Variants in DNAI3 observed in about 807,000 individuals in gnomAD.
The protein encoded by DNAI3 is dynein axonemal intermediate chain 3, also known as WD repeat domain 63.
In DNAI3, 83 loss-of-function variants were observed where a neutral mutation model predicts 115.5. That is an observed-to-expected ratio of 0.72 (90% CI 0.60 to 0.86). The LOEUF (loss-of-function observed/expected upper bound fraction) is 0.86, where lower values mean the gene tolerates loss of function less well. Ranked by LOEUF, DNAI3 falls within the 40% of genes least tolerant of loss-of-function variation. DNAI3 has a pLI of 0.00. For missense variants in DNAI3, 1,004 were observed against 1,075.8 expected, an observed-to-expected ratio of 0.93 and a Z score of 0.93; for synonymous variants, 320 against 347.0, an observed-to-expected ratio of 0.92 and a Z score of 0.86.
intron 1 of DNAI3, among the ~76,000 whole-genome samples, chr1:85,067,981 A>G (rs1267484303): frequency 2.0e-5 from 3 of 152,216 alleles, no homozygotes; most frequent in Non-Finnish European, 2.9e-5. Context: ...AATTTGTGGT[A>G]ATTTGTTACA....
chr1:85,081,459 G>T (rs772324103), intron 4 of DNAI3, 44 bp downstream of exon 4: 2 of 1,486,502 alleles, frequency 1.3e-6, no homozygotes, highest in African/African-American at 2.9e-5. Flanking sequence ...ACCTCAAGAA[G>T]TTCCTGGTAC....
chr1:85,080,362 A>G (rs991714860), intron 3 of DNAI3, among the ~76,000 whole-genome samples: 1 of 152,166 alleles, frequency 6.6e-6, no homozygotes, highest in African/African-American at 2.4e-5. Flanking sequence ...ATGAGAGACC[A>G]TTGAGCAAAT....
intron 3 of DNAI3, among the ~76,000 whole-genome samples, chr1:85,074,440 T>C (rs906616869): frequency 2.0e-5 from 3 of 152,208 alleles, no homozygotes; most frequent in Admixed American, 1.3e-4. Context: ...TCAGCCTTGC[T>C]TAGCACAGAA....
At chr1:85,099,048 C>T (rs1655209253) in intron 13 of DNAI3, among the ~76,000 whole-genome samples, 1 of 152,130 alleles carries the variant, frequency 6.6e-6, no homozygotes, top group Non-Finnish European at 1.5e-5. Context: ...TGTAATTTTG[C>T]TGGGCACAAT....
At chr1:85,113,673 G>T (rs564468139) in intron 16 of DNAI3, among the ~76,000 whole-genome samples, 13 of 151,466 alleles carry the variant, frequency 8.6e-5, no homozygotes, top group African/African-American at 2.9e-4. Flanking sequence ...TTTGACTGTT[G>T]TAAGTTTTTT....
chr1:85,082,576 C>T (rs916551104), intron 5 of DNAI3, among the ~76,000 whole-genome samples, 172 bp downstream of exon 5: 4 of 152,114 alleles, frequency 2.6e-5, no homozygotes, highest in African/African-American at 9.7e-5. Context: ...CCCCAAGTAG[C>T]TGAGACTACA....
intron 5 of DNAI3, among the ~76,000 whole-genome samples, chr1:85,083,334 A>C (rs1186039458): frequency 6.6e-6 from 1 of 152,000 alleles, no homozygotes; most frequent in African/African-American, 2.4e-5. Context: ...AAAAAATAAA[A>C]ATATTAGCCA....
chr1:85,078,774 G>C (rs892819787), intron 3 of DNAI3, among the ~76,000 whole-genome samples: 14 of 152,234 alleles, frequency 9.2e-5, no homozygotes, highest in African/African-American at 3.4e-4. Flanking sequence ...TTGGCTGCCA[G>C]TTATCTGCAG....
chr1:85,074,321 TC>T (rs1654383580), intron 3 of DNAI3, among the ~76,000 whole-genome samples: 1 of 152,114 alleles, frequency 6.6e-6, no homozygotes, highest in Non-Finnish European at 1.5e-5. Flanking sequence ...TTGCTTAAAC[TC>T]CCCCATAGTC....
intron 13 of DNAI3, among the ~76,000 whole-genome samples, chr1:85,102,794 T>C (rs1483366047): frequency 6.6e-6 from 1 of 152,198 alleles, no homozygotes; most frequent in African/African-American, 2.4e-5. Context: ...TCACAGTGTT[T>C]CCATGAAAGA....
intron 17 of DNAI3, among the ~76,000 whole-genome samples, chr1:85,121,466 G>T (rs1225162530): frequency 1.3e-5 from 2 of 152,180 alleles, no homozygotes; most frequent in Non-Finnish European, 2.9e-5. Context: ...AACTTTGGAT[G>T]CCCAGCGGTT....
At chr1:85,088,353 A>AT (rs894843316) in intron 7 of DNAI3, among the ~76,000 whole-genome samples, 1 of 152,052 alleles carries the variant, frequency 6.6e-6, no homozygotes, top group Non-Finnish European at 1.5e-5. Flanking sequence ...TGAAAAAACA[A>AT]TTTTTTCAAA....
intron 9 of DNAI3, 29 bp downstream of exon 9, chr1:85,093,677 T>C: frequency 1.2e-6 from 2 of 1,612,606 alleles, no homozygotes; most frequent in South Asian, 2.2e-5. Context: ...GGATTCCCTT[T>C]TGTGATAACA....
intron 7 of DNAI3, among the ~76,000 whole-genome samples, chr1:85,088,188 T>C (rs1328108639): frequency 6.6e-6 from 1 of 152,064 alleles, no homozygotes; most frequent in Non-Finnish European, 1.5e-5. Flanking sequence ...TATTTTATGT[T>C]CCTACTAGGG....
At chr1:85,112,178 A>T (rs969881804) in intron 16 of DNAI3, among the ~76,000 whole-genome samples, 1 of 152,108 alleles carries the variant, frequency 6.6e-6, no homozygotes, top group Non-Finnish European at 1.5e-5. Context: ...TAGCCTCCTG[A>T]GTAGCCAGGA....
intron 7 of DNAI3, among the ~76,000 whole-genome samples, chr1:85,087,087 C>T (rs1571167996): frequency 6.6e-6 from 1 of 152,136 alleles, no homozygotes; most frequent in East Asian, 1.9e-4. Flanking sequence ...TTGTGCTTAT[C>T]CCCTCCTTCA....
In DNAI3 at chr1:85,085,822, G is replaced by A; in HGVS notation, c.541-9G>A. 2 of 1,612,562 alleles carry A rather than the reference G, an allele frequency of 1.2e-6. No homozygotes were observed. Among genetic ancestry groups the A allele is most frequent in the African/African-American group, 1.3e-5 (1 of 74,968 alleles). On this transcript the variant is annotated splice_polypyrimidine_tract_variant and intron_variant, in intron 6 of 22. Coordinates refer to ENST00000294664, the MANE Select transcript of DNAI3 (RefSeq NM_145172.5). ...ATTATGTTACCTTTACTGTTTACAT[G>A]TGTTACAGATTACATATATGATTTC...
chr1:85,111,026 A>G (rs1655646148), intron 16 of DNAI3, among the ~76,000 whole-genome samples: 1 of 152,256 alleles, frequency 6.6e-6, no homozygotes, highest in Non-Finnish European at 1.5e-5. Flanking sequence ...TCCCACCTGG[A>G]GAGCAATGCA....
chr1:85,115,350 G>C (rs1008251952), intron 16 of DNAI3, among the ~76,000 whole-genome samples: 1 of 152,192 alleles, frequency 6.6e-6, no homozygotes, highest in Non-Finnish European at 1.5e-5. Context: ...ATCTCTCTAA[G>C]CCTCAGTTTA....
Sources: allele counts gnomAD v4.1 joint callset (sites outside exome capture counted in the v4.1 genomes callset), GRCh38; gene constraint gnomAD v4.1.1; transcripts MANE v1.5; gene names NCBI Gene and HGNC (gene_info 2026-07-23, HGNC 2026-07-21).